The following POU6F2 variants were observed in gnomAD, a reference collection of about 807,000 sequenced individuals.
POU6F2 encodes the protein POU class 6 homeobox 2.
POU6F2 carries 31 observed loss-of-function variants against 71.3 expected under a neutral mutation model. That is an observed-to-expected ratio of 0.43 (90% CI 0.33 to 0.59). POU6F2 has a LOEUF of 0.59. Among genes scored for constraint, POU6F2 ranks in the 20% least tolerant of loss-of-function variants. The probability of loss-of-function intolerance (pLI) is 0.04; values close to 1 mark genes in which losing one functional copy is unlikely to be tolerated. For synonymous variants in POU6F2, 347 were observed against 355.7 expected (o/e 0.98, Z 0.27); for missense variants, 783 against 856.8 (o/e 0.91, Z 1.07).
chr7:39,011,297 T>C (rs1395859486), intron 1 of POU6F2, among the ~76,000 whole-genome samples: 1 of 151,530 alleles, frequency 6.6e-6, no homozygotes, highest in Non-Finnish European at 1.5e-5. Context: ...TTTGTCTCTT[T>C]TGATCTTTGT....
chr7:39,385,320 C>A (rs1304834414), intron 5 of POU6F2, among the ~76,000 whole-genome samples: 2 of 152,172 alleles, frequency 1.3e-5, no homozygotes, highest in Non-Finnish European at 2.9e-5. Flanking sequence ...TCAACAAACA[C>A]CCATTGCTTG....
intron 6 of POU6F2, among the ~76,000 whole-genome samples, chr7:39,424,835 A>C (rs902128309): frequency 4.6e-5 from 7 of 152,064 alleles, no homozygotes; most frequent in East Asian, 3.9e-4. Flanking sequence ...AAAAAAAAAA[A>C]CACAACACCT....
intron 5 of POU6F2, among the ~76,000 whole-genome samples, chr7:39,374,592 C>T (rs1169074158): frequency 6.6e-6 from 1 of 152,112 alleles, no homozygotes; most frequent in African/African-American, 2.4e-5. Flanking sequence ...CATAGAGATC[C>T]AGAGATTTCT....
At chr7:39,030,564 C>CATTG (rs1310290062) in intron 1 of POU6F2, among the ~76,000 whole-genome samples, 1 of 88,114 alleles carries the variant, frequency 1.1e-5, no homozygotes, top group Non-Finnish European at 2.3e-5. Flanking sequence ...ACATATATTC[C>CATTG]ATTGCCCGGA....
At chr7:39,418,679 G>C (rs531498139) in intron 6 of POU6F2, among the ~76,000 whole-genome samples, 1 of 149,560 alleles carries the variant, frequency 6.7e-6, no homozygotes, top group African/African-American at 2.5e-5. Context: ...GACAGAGTGA[G>C]ACTCTGTCTC....
chr7:39,123,971 A>C lies in POU6F2; in HGVS notation c.277+37940A>C, dbSNP rs886412959. Among the ~76,000 whole-genome samples, 4 of 152,044 alleles carry C rather than the reference A, an allele frequency of 2.6e-5. No individual in the cohort carries two copies. In the South Asian group the frequency reaches 6.2e-4, roughly 24 times the overall value. On this transcript the variant is annotated intron_variant, in intron 2 of 9. Transcript: ENST00000518318. ...AAATTGCATACCACTGTGACTATAC[A>C]TGACTAAGAAACCAAATACATGCTT...
intron 5 of POU6F2, among the ~76,000 whole-genome samples, chr7:39,387,085 G>T (rs1035540939): frequency 1.3e-5 from 2 of 152,310 alleles, no homozygotes; most frequent in African/African-American, 4.8e-5. Context: ...GCAGCACCCC[G>T]TGCTGGGGGA....
intron 1 of POU6F2, among the ~76,000 whole-genome samples, chr7:39,018,267 T>C (rs1789605695): frequency 6.6e-6 from 1 of 152,134 alleles, no homozygotes; most frequent in South Asian, 2.1e-4. Flanking sequence ...TATTTTCCTT[T>C]GTATACAATC....
chr7:39,070,172 A>G (rs1326563793), intron 1 of POU6F2, among the ~76,000 whole-genome samples: 1 of 152,210 alleles, frequency 6.6e-6, no homozygotes, highest in African/African-American at 2.4e-5. Context: ...TGATTCTCAA[A>G]AGGAATTTGG....
Position 39,254,883 on chromosome 7 carries a change from G to A in POU6F2, c.598+47263G>A, listed in dbSNP as rs988956548. 5.9e-5 allele frequency among the ~76,000 whole-genome samples: 9 copies of A among 152,156 alleles called. No individual in the cohort carries two copies. In the South Asian group the frequency reaches 1.2e-3, roughly 21 times the overall value. On this transcript the variant is annotated intron_variant, in intron 4 of 9. Transcript: ENST00000518318. ...CCCAGTTTAGGGCCGCAGCAGCAGCGTACACAACACAAGTGTTTCCAGATC... is the reference window on the plus strand; with the variant it reads ...CCCAGTTTAGGGCCGCAGCAGCAGCATACACAACACAAGTGTTTCCAGATC...
At chr7:39,209,866 A>G (rs539940726) in intron 4 of POU6F2, among the ~76,000 whole-genome samples, 5 of 152,194 alleles carry the variant, frequency 3.3e-5, no homozygotes, top group Non-Finnish European at 7.3e-5. Context: ...ACAGGCTGAA[A>G]GGTCATCTGC....
chr7:39,285,410 C>T (rs1784634652), intron 4 of POU6F2, among the ~76,000 whole-genome samples: 1 of 152,200 alleles, frequency 6.6e-6, no homozygotes. Flanking sequence ...CAGTTTTCTG[C>T]CCAACTCACC....
chr7:39,305,736 A>G (rs1191561861), intron 4 of POU6F2, among the ~76,000 whole-genome samples: 2 of 152,214 alleles, frequency 1.3e-5, no homozygotes, highest in African/African-American at 2.4e-5. Context: ...AATTGACAAT[A>G]TTATATCTCT....
At chr7:38,985,219 G>C (rs925458871) in intron 1 of POU6F2, among the ~76,000 whole-genome samples, 2 of 152,084 alleles carry the variant, frequency 1.3e-5, no homozygotes, top group Non-Finnish European at 2.9e-5. Context: ...GACACAGCTA[G>C]TTAATTTTGT....
intron 6 of POU6F2, among the ~76,000 whole-genome samples, chr7:39,422,213 C>T (rs528445578): frequency 2.6e-5 from 4 of 152,286 alleles, no homozygotes; most frequent in Non-Finnish European, 5.9e-5. Flanking sequence ...CTGGAACATT[C>T]TTAAACTTTC....
rs145746904 is a variant in POU6F2, at chr7:39,400,232, A to G, written c.973-6368A>G. ...TGAAAGAGGGCTTCTTAAGAATAAC[A>G]AAAGATGTTTTTCCTACCCCTATTA... On this transcript the variant is annotated intron_variant, in intron 5 of 9. Coordinates refer to ENST00000518318, the MANE Select transcript of POU6F2 (RefSeq NM_001370959.1). Among the ~76,000 whole-genome samples, 472 of 152,358 alleles carry G rather than the reference A, an allele frequency of 3.1e-3. 3 individuals are homozygous for G. The highest frequency in any genetic ancestry group is 0.011 in the African/African-American group (456 of 41,580).
intron 2 of POU6F2, among the ~76,000 whole-genome samples, chr7:39,101,320 C>T (rs578194276): frequency 6.6e-5 from 10 of 152,228 alleles, no homozygotes; most frequent in Admixed American, 2.6e-4. Context: ...GTGATCCGTC[C>T]GCCTCAGCCT....
intron 5 of POU6F2, among the ~76,000 whole-genome samples, chr7:39,379,511 C>T (rs1786781745): frequency 6.6e-6 from 1 of 152,172 alleles, no homozygotes; most frequent in Admixed American, 6.5e-5. Context: ...CTCCAATCCT[C>T]CTAACTCAAA....
In POU6F2 at chr7:39,133,589, A is replaced by C. The variant is rs79087237; in HGVS notation, c.277+47558A>C. On this transcript the variant is annotated intron_variant, in intron 2 of 9. Coordinates refer to ENST00000518318, the MANE Select transcript of POU6F2 (RefSeq NM_001370959.1). ...TCTTTAAAGCATTCTCACAATCTAT[A>C]ATTATCTTCTGCATTTGTTTACCAG... 1.0e-3 allele frequency among the ~76,000 whole-genome samples: 154 copies of C among 152,340 alleles called. 3 individuals are homozygous for C. In the East Asian group the frequency reaches 0.028, roughly 27 times the overall value.
Sources: gnomAD v4.1 joint callset for allele counts (sites outside exome capture counted in the v4.1 genomes callset) on GRCh38, gnomAD v4.1.1 for gene constraint, MANE v1.5 for transcripts, NCBI Gene and HGNC (gene_info 2026-07-23, HGNC 2026-07-21) for gene names.